CYYR1: variants seen among roughly 807,000 people sequenced by gnomAD.
CYYR1 encodes cysteine and tyrosine-rich protein 1.
A neutral mutation model predicts 15.2 loss-of-function variants in CYYR1; 14 were observed. That is an observed-to-expected ratio of 0.92 (90% confidence interval 0.61 to 1.44). The LOEUF (loss-of-function observed/expected upper bound fraction) is 1.44, where lower values mean the gene tolerates loss of function less well. CYYR1 is among the 40% of genes most tolerant of loss of function. The pLI is 0.00. For missense variants in CYYR1, 228 were observed against 209.5 expected (o/e 1.09, Z -0.54); for synonymous variants, 80 against 77.4 (o/e 1.03, Z -0.18).
At chr21:26,520,860 A>G (rs1013700071) in intron 2 of CYYR1, among the ~76,000 whole-genome samples, 1 of 152,144 alleles carries the variant, frequency 6.6e-6, no homozygotes, top group Non-Finnish European at 1.5e-5. Flanking sequence ...ACCAACAAAC[A>G]TATGAGATCA....
chr21:26,567,151 T>G (rs1014043134), intron 1 of CYYR1, among the ~76,000 whole-genome samples: 2 of 137,286 alleles, frequency 1.5e-5, no homozygotes, highest in African/African-American at 5.6e-5. Context: ...TGATAGTGCA[T>G]TGTATGCTTT....
chr21:26,525,047 A>G (rs889253775), intron 2 of CYYR1, among the ~76,000 whole-genome samples: 1 of 152,182 alleles, frequency 6.6e-6, no homozygotes, highest in Non-Finnish European at 1.5e-5. Context: ...GATGCCCTAC[A>G]TGAAATCCTC....
intron 2 of CYYR1, among the ~76,000 whole-genome samples, chr21:26,544,254 T>C (rs1267780385): frequency 6.6e-6 from 1 of 152,202 alleles, no homozygotes; most frequent in South Asian, 2.1e-4. Flanking sequence ...TTGAATTCTG[T>C]ACGAATAATC....
chr21:26,478,169 A>G, intron 3 of CYYR1: 1 of 1,548,322 alleles, frequency 6.5e-7, no homozygotes. Context: ...AACAATCAAC[A>G]TAATGATTAG....
chr21:26,474,482 TCCTGCCTTAG>T (rs2065077401), intron 3 of CYYR1, among the ~76,000 whole-genome samples: 1 of 151,350 alleles, frequency 6.6e-6, no homozygotes, highest in Non-Finnish European at 1.5e-5. Context: ...CTTGAGATCT[TCCTGCCTTAG>T]CCTCAGTAGT....
intron 1 of CYYR1, among the ~76,000 whole-genome samples, chr21:26,569,842 G>A (rs1601843897): frequency 6.6e-6 from 1 of 152,158 alleles, no homozygotes; most frequent in African/African-American, 2.4e-5. Context: ...TTGAGCCAAC[G>A]TTACAGGAAA....
At chr21:26,557,904 C>T (rs144983688) in intron 2 of CYYR1, among the ~76,000 whole-genome samples, 15 of 152,314 alleles carry the variant, frequency 9.8e-5, no homozygotes, top group African/African-American at 3.6e-4. Context: ...CATTAGTTCT[C>T]AGCACACCAT....
chr21:26,551,909 T>C lies in CYYR1; in HGVS notation c.176+14357A>G, dbSNP rs546426519. The C allele has an allele frequency of 2.4e-4, 37 of 156,246 alleles. No individual in the cohort carries two copies. The South Asian group carries it at 3.0e-3, about 13-fold the overall frequency. The allele number at this position is 156,246 out of a possible 1,614,324, so 9.7% of individuals were successfully genotyped here. A position where few individuals can be genotyped will look rare whatever the true frequency, so the allele number is the denominator to read the frequency against. ...CGCTACCGAAGAGCGTTGCACGCTATAGAGAAATCTTTCATGAAAGGAGGA... is the reference window on the plus strand; with the variant it reads ...CGCTACCGAAGAGCGTTGCACGCTACAGAGAAATCTTTCATGAAAGGAGGA... On this transcript the variant is annotated intron_variant, in intron 2 of 3. Coordinates refer to ENST00000652641, the MANE Select transcript of CYYR1 (RefSeq NM_001320768.2).
intron 2 of CYYR1, chr21:26,564,726 C>T: frequency 8.3e-7 from 1 of 1,208,898 alleles, no homozygotes; most frequent in Non-Finnish European, 1.1e-6. Flanking sequence ...GTTAGTGAAT[C>T]AAGAGCTAAG....
At chr21:26,555,662 G>A (rs1183679895) in intron 2 of CYYR1, among the ~76,000 whole-genome samples, 2 of 152,028 alleles carry the variant, frequency 1.3e-5, no homozygotes, top group African/African-American at 4.8e-5. Context: ...AAATAGCTGA[G>A]GCTTTCACCC....
At position 26,468,173 on chromosome 21, in the gene CYYR1, T is replaced by C; in HGVS notation, c.*328A>G. On this transcript the variant is annotated 3_prime_UTR_variant, in exon 4 of 4. Transcript: ENST00000652641. ...ACTTAGATCTTCTTTTTTTCCAGGATCAATACTGAAACTTTCTTCACCTAG... is the reference window on the plus strand; with the variant it reads ...ACTTAGATCTTCTTTTTTTCCAGGACCAATACTGAAACTTTCTTCACCTAG... 1 of 318,372 alleles carries C rather than the reference T, an allele frequency of 3.1e-6. No homozygotes were observed. Among genetic ancestry groups the C allele is most frequent in the Non-Finnish European group, 6.0e-6 (1 of 165,714 alleles). 19.7% of individuals were successfully genotyped at this position (318,372 alleles called of 1,614,324 possible). A position where few individuals can be genotyped will look rare whatever the true frequency, so the allele number is the denominator to read the frequency against.
chr21:26,496,401 A>G (rs1217855254), intron 2 of CYYR1, among the ~76,000 whole-genome samples: 1 of 152,254 alleles, frequency 6.6e-6, no homozygotes, highest in Non-Finnish European at 1.5e-5. Context: ...AAAAGAGGTA[A>G]TGACTTAAAG....
chr21:26,480,271 C>G lies in CYYR1; in HGVS notation c.334+1G>C, dbSNP rs112730646. 1 of 1,605,070 alleles carries G rather than the reference C, an allele frequency of 6.2e-7. No homozygotes were observed. The highest frequency in any genetic ancestry group is 8.5e-7 in the Non-Finnish European group (1 of 1,176,480). On this transcript the variant is annotated splice_donor_variant, in intron 3 of 3. Coordinates refer to ENST00000652641, the MANE Select transcript of CYYR1 (RefSeq NM_001320768.2). LOFTEE classifies it high-confidence loss of function. The stretch of plus-strand genomic sequence containing the variant: ...CTTCGAGAGTCAACAGTTTTGCTCA[C>G]CAGGATAGGAGGAGACGGTGTTGAT...
At chr21:26,554,310 A>G (rs1979610994) in intron 2 of CYYR1, among the ~76,000 whole-genome samples, 1 of 152,162 alleles carries the variant, frequency 6.6e-6, no homozygotes, top group Non-Finnish European at 1.5e-5. Flanking sequence ...GCAAATCATT[A>G]CCCACTGATT....
chr21:26,478,190 C>T (rs1011963012), intron 3 of CYYR1: 95 of 1,541,140 alleles, frequency 6.2e-5, no homozygotes, highest in African/African-American at 5.1e-4. Context: ...CTAAACTATA[C>T]GATATCTTGG....
At position 26,500,672 on chromosome 21, in the gene CYYR1, G is replaced by A. The variant is rs1191833744; in HGVS notation, c.177-20243C>T. 2.0e-5 allele frequency among the ~76,000 whole-genome samples: 3 copies of A among 152,262 alleles called. 1 individual carries two copies. The highest frequency in any genetic ancestry group is 2.0e-4 in the Admixed American group (3 of 15,306). ...TCACACTGGTGGGCCTGCACTGGGGGTGGGGAGGACTTCTGGGTGGGAAAT... is the reference window on the plus strand; with the variant it reads ...TCACACTGGTGGGCCTGCACTGGGGATGGGGAGGACTTCTGGGTGGGAAAT... On this transcript the variant is annotated intron_variant, in intron 2 of 3. Transcript: ENST00000652641.
At chr21:26,514,104 C>CT (rs1286806741) in intron 2 of CYYR1, among the ~76,000 whole-genome samples, 2 of 151,740 alleles carry the variant, frequency 1.3e-5, no homozygotes, top group African/African-American at 4.8e-5. Context: ...AAAGAAACTA[C>CT]TATAGAGAGG....
chr21:26,487,180 T>C (rs2065260307), intron 2 of CYYR1, among the ~76,000 whole-genome samples: 1 of 152,032 alleles, frequency 6.6e-6, no homozygotes, highest in African/African-American at 2.4e-5. Flanking sequence ...TAAAATACCT[T>C]TACCTTTGAA....
At chr21:26,544,402 A>T (rs1292321474) in intron 2 of CYYR1, among the ~76,000 whole-genome samples, 1 of 152,234 alleles carries the variant, frequency 6.6e-6, no homozygotes, top group Non-Finnish European at 1.5e-5. Flanking sequence ...AATAAGATTT[A>T]TGCCTGGTCA....
Sources: allele counts gnomAD v4.1 joint callset (sites outside exome capture counted in the v4.1 genomes callset), GRCh38; gene constraint gnomAD v4.1.1; transcripts MANE v1.5; gene names NCBI Gene and HGNC (gene_info 2026-07-23, HGNC 2026-07-21).